AGBL4: variants seen among roughly 807,000 people sequenced by gnomAD.
AGBL4 encodes the protein AGBL carboxypeptidase 4, also known as cytosolic carboxypeptidase 6.
In AGBL4, 58 loss-of-function variants were observed where a neutral mutation model predicts 66.4. That is an observed-to-expected ratio of 0.87 (90% CI 0.71 to 1.09). The LOEUF is 1.09. Ranked by LOEUF, AGBL4 falls within the 50% of genes least tolerant of loss-of-function variation. The pLI, the probability that AGBL4 is intolerant of heterozygous loss-of-function variation, is 0.00. For missense variants in AGBL4, 579 were observed against 631.0 expected (o/e 0.92, Z 0.88); for synonymous variants, 234 against 222.9 (o/e 1.05, Z -0.44).
intron 1 of AGBL4, among the ~76,000 whole-genome samples, chr1:50,002,644 C>T (rs1158633726): frequency 6.6e-6 from 1 of 152,086 alleles, no homozygotes; most frequent in African/African-American, 2.4e-5. Context: ...GCTGGGATTA[C>T]AGGCGTGAGC....
At chr1:49,568,730 G>A (rs1644267274) in intron 3 of AGBL4, among the ~76,000 whole-genome samples, 1 of 152,164 alleles carries the variant, frequency 6.6e-6, no homozygotes, top group South Asian at 2.1e-4. Flanking sequence ...AGCAAAGCTG[G>A]AGGCATCATG....
chr1:49,794,614 T>C (rs1263196987), intron 2 of AGBL4, among the ~76,000 whole-genome samples: 1 of 151,972 alleles, frequency 6.6e-6, no homozygotes, highest in African/African-American at 2.4e-5. Flanking sequence ...CACATCTCTG[T>C]TATAATACAT....
intron 1 of AGBL4, among the ~76,000 whole-genome samples, chr1:49,956,058 GT>G (rs1442317745): frequency 6.0e-4 from 91 of 151,822 alleles, no homozygotes; most frequent in African/African-American, 2.0e-3. Flanking sequence ...CAAGGTAAAT[GT>G]TATTATTGGC....
chr1:49,120,702 G>A (rs1372780849), intron 4 of AGBL4, among the ~76,000 whole-genome samples: 2 of 152,086 alleles, frequency 1.3e-5, no homozygotes, highest in Non-Finnish European at 2.9e-5. Flanking sequence ...CTCTTCTCAA[G>A]GAGCATCTTT....
In AGBL4 at chr1:49,816,193, C is replaced by T. The variant is rs534031623; in HGVS notation, c.157+35203G>A. 2.6e-4 allele frequency among the ~76,000 whole-genome samples: 39 copies of T among 152,156 alleles called. No homozygotes were observed. The East Asian group carries it at 7.6e-3, about 29-fold the overall frequency. ...GCAGCATGCTCAGCTCTTATCATTACCACCCTTAACTCTCACTAGTACTAC... is the reference window on the plus strand; with the variant it reads ...GCAGCATGCTCAGCTCTTATCATTATCACCCTTAACTCTCACTAGTACTAC... On this transcript the variant is annotated intron_variant, in intron 2 of 13. Transcript: ENST00000371839.
chr1:49,459,295 C>T (rs1387741718), intron 3 of AGBL4, among the ~76,000 whole-genome samples: 3 of 151,584 alleles, frequency 2.0e-5, no homozygotes, highest in Non-Finnish European at 4.4e-5. Context: ...TGTAATTGGT[C>T]TATTCAGAGT....
At chr1:49,917,695 G>C (rs1258487044) in intron 1 of AGBL4, among the ~76,000 whole-genome samples, 1 of 152,054 alleles carries the variant, frequency 6.6e-6, no homozygotes, top group Non-Finnish European at 1.5e-5. Flanking sequence ...AGTTAACAAG[G>C]ATACTCAGGA....
intron 3 of AGBL4, among the ~76,000 whole-genome samples, chr1:49,551,839 G>A (rs1330970888): frequency 6.6e-6 from 1 of 152,152 alleles, no homozygotes; most frequent in Non-Finnish European, 1.5e-5. Flanking sequence ...AACAGCAGTG[G>A]GCAGGGCCCC....
intron 6 of AGBL4, among the ~76,000 whole-genome samples, chr1:48,751,143 T>C (rs1651676014): frequency 6.6e-6 from 1 of 152,168 alleles, no homozygotes; most frequent in Non-Finnish European, 1.5e-5. Flanking sequence ...TGAACTGGGT[T>C]CTCTCTAAAG....
chr1:49,494,898 A>C (rs796510959), intron 3 of AGBL4, among the ~76,000 whole-genome samples: 2 of 152,080 alleles, frequency 1.3e-5, no homozygotes, highest in African/African-American at 4.8e-5. Context: ...CCAACAGTGT[A>C]AAAGTGTTCC....
At chr1:49,248,820 A>G (rs1651834128) in intron 3 of AGBL4, among the ~76,000 whole-genome samples, 1 of 152,148 alleles carries the variant, frequency 6.6e-6, no homozygotes, top group Admixed American at 6.6e-5. Context: ...TTGGTACATT[A>G]CAATGTCTTT....
Position 48,736,594 on chromosome 1 carries a change from C to A in AGBL4, c.635-73353G>T. On this transcript the variant is annotated intron_variant, in intron 6 of 13. Transcript: ENST00000371839. This position sits in a 1 kb window ranked among gnomAD's most constrained non-coding sequence, Gnocchi z 4.0. ...GAAATTAACTCTCTTTAAGGGTAATCGTAATAGCTATCATCTACTGAATAC... is the reference window on the plus strand; with the variant it reads ...GAAATTAACTCTCTTTAAGGGTAATAGTAATAGCTATCATCTACTGAATAC... The A allele has an allele frequency of 4.2e-6, 3 of 715,352 alleles. No homozygotes were observed. The highest frequency in any genetic ancestry group is 2.7e-5 in the East Asian group (1 of 37,514). The allele number at this position is 715,352 out of a possible 1,614,324, so 44.3% of individuals were successfully genotyped here.
intron 3 of AGBL4, among the ~76,000 whole-genome samples, chr1:49,440,601 C>T (rs1466156731): frequency 1.3e-5 from 2 of 152,094 alleles, no homozygotes; most frequent in African/African-American, 4.8e-5. Flanking sequence ...AAATGATAAA[C>T]CCAGGGATTC....
intron 6 of AGBL4, among the ~76,000 whole-genome samples, chr1:48,793,252 T>C (rs761278552): frequency 6.6e-6 from 1 of 152,202 alleles, no homozygotes; most frequent in African/African-American, 2.4e-5. Flanking sequence ...AGAAACTTTA[T>C]GATAAAGCAA....
chr1:48,539,186 T>C (rs1644020764), intron 12 of AGBL4, among the ~76,000 whole-genome samples: 1 of 152,196 alleles, frequency 6.6e-6, no homozygotes, highest in African/African-American at 2.4e-5. Context: ...GACTATCATG[T>C]ACTGACAGCA....
At chr1:48,900,505 T>C (rs1651980743) in intron 5 of AGBL4, among the ~76,000 whole-genome samples, 1 of 152,226 alleles carries the variant, frequency 6.6e-6, no homozygotes. Flanking sequence ...AAACCTACAG[T>C]AATCAAGACA....
intron 6 of AGBL4, among the ~76,000 whole-genome samples, chr1:48,812,291 AGGATGAGTATGATTTT>A: frequency 6.6e-6 from 1 of 152,078 alleles, no homozygotes; most frequent in African/African-American, 2.4e-5. Flanking sequence ...GATGGGGGAG[AGGATGAGTATGATTTT>A]AGGTGAATAG....
intron 3 of AGBL4, among the ~76,000 whole-genome samples, chr1:49,362,633 G>A (rs910194384): frequency 4.0e-4 from 61 of 152,078 alleles, no homozygotes; most frequent in African/African-American, 1.4e-3. Context: ...CACCTCACTT[G>A]ACTAGGATCC....
At chr1:48,729,884 T>C (rs1246475129) in intron 6 of AGBL4, among the ~76,000 whole-genome samples, 1 of 152,124 alleles carries the variant, frequency 6.6e-6, no homozygotes, top group Non-Finnish European at 1.5e-5. Context: ...GTCTTGGCCT[T>C]TCCATAAGGA....
Sources: allele counts gnomAD v4.1 joint callset (sites outside exome capture counted in the v4.1 genomes callset), GRCh38; gene constraint gnomAD v4.1.1; non-coding constraint Gnocchi (gnomAD v3.1); transcripts MANE v1.5; gene names NCBI Gene and HGNC (gene_info 2026-07-23, HGNC 2026-07-21).